ZNF385D: variants seen among roughly 807,000 people sequenced by gnomAD.
The protein encoded by ZNF385D is zinc finger protein 385D.
ZNF385D carries 15 observed loss-of-function variants against 35.8 expected under a neutral mutation model. The observed-to-expected ratio is 0.42, with a 90% CI of 0.28 to 0.64. The LOEUF is 0.64. Among genes scored for constraint, ZNF385D ranks in the 30% least tolerant of loss-of-function variants. The pLI is 0.23. For synonymous variants in ZNF385D, 212 were observed against 186.8 expected, an observed-to-expected ratio of 1.13 and a Z score of -1.10; for missense variants, 474 against 494.6, an observed-to-expected ratio of 0.96 and a Z score of 0.39.
At chr3:21,742,911 C>T (rs1361450160) in intron 1 of ZNF385D, among the ~76,000 whole-genome samples, 1 of 152,206 alleles carries the variant, frequency 6.6e-6, no homozygotes, top group East Asian at 1.9e-4. Flanking sequence ...AATTTTCATA[C>T]ATTTGTATAT....
At chr3:22,164,594 T>C (rs1031971033) in intron 3 of ZNF385D, among the ~76,000 whole-genome samples, 6 of 148,070 alleles carry the variant, frequency 4.1e-5, no homozygotes, top group African/African-American at 1.3e-4. Flanking sequence ...TCATCTACAA[T>C]TTGCCCAAAG....
At chr3:21,583,982 A>T (rs2063740770) in intron 2 of ZNF385D, among the ~76,000 whole-genome samples, 1 of 149,972 alleles carries the variant, frequency 6.7e-6, no homozygotes, top group Admixed American at 6.7e-5. Flanking sequence ...TTATTTATTT[A>T]TTTATTTTTT....
intron 3 of ZNF385D, among the ~76,000 whole-genome samples, chr3:21,897,395 G>A (rs776018840): frequency 6.6e-6 from 1 of 152,104 alleles, no homozygotes; most frequent in African/African-American, 2.4e-5. Flanking sequence ...CTGAGTATCC[G>A]TAGTCTCATG....
At chr3:22,099,056 A>C (rs921475025) in intron 3 of ZNF385D, among the ~76,000 whole-genome samples, 1 of 152,128 alleles carries the variant, frequency 6.6e-6, no homozygotes, top group Non-Finnish European at 1.5e-5. Flanking sequence ...GAAGCAAAAA[A>C]AATCCAATCT....
chr3:21,425,814 G>T, intron 5 of ZNF385D, 144 bp from the exon 6 acceptor site: 1 of 650,324 alleles, frequency 1.5e-6, no homozygotes, highest in Non-Finnish European at 2.3e-6. Context: ...CCTCATTTTA[G>T]TGCAGTTTTT....
At chr3:22,280,366 GTT>G (rs536746722) in intron 2 of ZNF385D, among the ~76,000 whole-genome samples, 3 of 141,012 alleles carry the variant, frequency 2.1e-5, no homozygotes, top group African/African-American at 5.1e-5. Flanking sequence ...GTCTAGAAGG[GTT>G]TTTTTTTTTT....
chr3:22,085,275 A>G (rs1015140420), intron 3 of ZNF385D, among the ~76,000 whole-genome samples: 2 of 152,190 alleles, frequency 1.3e-5, no homozygotes, highest in African/African-American at 4.8e-5. Context: ...CCTTCAAAAA[A>G]TCAATGAATC....
At chr3:21,612,164 C>T (rs927688102) in intron 2 of ZNF385D, among the ~76,000 whole-genome samples, 6 of 152,090 alleles carry the variant, frequency 3.9e-5, no homozygotes, top group Non-Finnish European at 7.4e-5. Flanking sequence ...GTGCAACCTC[C>T]GCCTCCCAGG....
intron 3 of ZNF385D, among the ~76,000 whole-genome samples, chr3:22,011,778 T>C (rs1289888789): frequency 2.6e-5 from 4 of 152,252 alleles, no homozygotes; most frequent in Non-Finnish European, 4.4e-5. Flanking sequence ...ATAGTGAAAT[T>C]GTATCTTACC....
intron 1 of ZNF385D, among the ~76,000 whole-genome samples, chr3:21,680,929 C>T (rs2066879382): frequency 1.3e-5 from 2 of 152,156 alleles, no homozygotes; most frequent in Admixed American, 1.3e-4. Context: ...CAGTCCCTTA[C>T]ATCGCAATGT....
chr3:21,547,034 A>G (rs1405760421), intron 3 of ZNF385D, among the ~76,000 whole-genome samples: 1 of 152,134 alleles, frequency 6.6e-6, no homozygotes, highest in Non-Finnish European at 1.5e-5. Flanking sequence ...GTAGCCATTC[A>G]TCTTCTGCCT....
At chr3:22,022,389 C>A (rs540684285) in intron 3 of ZNF385D, among the ~76,000 whole-genome samples, 15 of 152,108 alleles carry the variant, frequency 9.9e-5, no homozygotes, top group Middle Eastern at 3.4e-3. Flanking sequence ...CTGAAAAGAT[C>A]AGCTCTAATC....
intron 3 of ZNF385D, among the ~76,000 whole-genome samples, chr3:21,863,612 T>A (rs1483359020): frequency 6.6e-6 from 1 of 152,144 alleles, no homozygotes; most frequent in Non-Finnish European, 1.5e-5. Flanking sequence ...GGAAATTTAA[T>A]AATGAGAGAG....
intron 3 of ZNF385D, among the ~76,000 whole-genome samples, chr3:21,512,369 T>C (rs969919425): frequency 6.6e-6 from 1 of 152,134 alleles, no homozygotes; most frequent in Non-Finnish European, 1.5e-5. Context: ...GATTATCCAT[T>C]ACTTCCCATT....
chr3:22,116,926 G>C (rs1387230115), intron 3 of ZNF385D, among the ~76,000 whole-genome samples: 5 of 151,944 alleles, frequency 3.3e-5, no homozygotes, highest in African/African-American at 1.2e-4. Context: ...TAAGTGTTTA[G>C]GTCATTTGGC....
intron 2 of ZNF385D, among the ~76,000 whole-genome samples, chr3:22,195,232 A>G (rs971264782): frequency 3.9e-5 from 6 of 151,916 alleles, no homozygotes; most frequent in African/African-American, 1.4e-4. Flanking sequence ...AATGATATTG[A>G]ACACTTTTTT....
At chr3:22,037,114 T>A (rs1370985943) in intron 3 of ZNF385D, among the ~76,000 whole-genome samples, 1 of 152,122 alleles carries the variant, frequency 6.6e-6, no homozygotes, top group African/African-American at 2.4e-5. Flanking sequence ...TCTATCGTTG[T>A]TGGGTATTTG....
intron 2 of ZNF385D, among the ~76,000 whole-genome samples, chr3:22,188,540 C>T (rs1451703138): frequency 6.6e-6 from 1 of 151,980 alleles, no homozygotes; most frequent in African/African-American, 2.4e-5. Flanking sequence ...AGCTCCGCTT[C>T]CCAGGTTCAA....
intron 3 of ZNF385D, among the ~76,000 whole-genome samples, chr3:21,847,902 T>C (rs150135069): frequency 2.0e-5 from 3 of 152,146 alleles, no homozygotes; most frequent in African/African-American, 7.2e-5. Flanking sequence ...TTGCTGACTA[T>C]AGGCACCATG....
Sources: allele counts gnomAD v4.1 joint callset (sites outside exome capture counted in the v4.1 genomes callset), GRCh38; gene constraint gnomAD v4.1.1; transcripts MANE v1.5; gene names NCBI Gene and HGNC (gene_info 2026-07-23, HGNC 2026-07-21).